The following INSYN2B variants were observed in gnomAD, a reference collection of about 807,000 sequenced individuals.
The protein encoded by INSYN2B is inhibitory synaptic factor family member 2B, also known as protein INSYN2B.
INSYN2B carries 16 observed loss-of-function variants against 41.2 expected under a neutral mutation model. The observed-to-expected ratio is 0.39, with a 90% CI of 0.26 to 0.59. The LOEUF (loss-of-function observed/expected upper bound fraction) is 0.59. Among genes scored for constraint, INSYN2B ranks in the 20% least tolerant of loss-of-function variants. The probability of loss-of-function intolerance (pLI) is 0.57; values close to 1 mark genes in which losing one functional copy is unlikely to be tolerated. For missense variants in INSYN2B, 608 were observed against 646.4 expected (o/e 0.94, Z 0.64); for synonymous variants, 245 against 244.4 (o/e 1.00, Z -0.02).
In INSYN2B at chr5:169,883,784, ATCTCACCT is replaced by A. The variant is rs1456957313; in HGVS notation, c.107_114del (p.Gln36LeufsTer8). The A allele has an allele frequency of 1.9e-6, 3 of 1,551,436 alleles. No homozygotes were observed. The highest frequency in any genetic ancestry group is 2.6e-6 in the Non-Finnish European group (3 of 1,146,936). ...TTCTTAGTGGTCCCATCTTCCTTGA[ATCTCACCT>A]GCTGGGATTTGCTCCTGCGGTGGTG... On this transcript the variant is annotated frameshift_variant, in exon 2 of 4. Transcript: ENST00000377365. LOFTEE classifies it high-confidence loss of function.
chr5:169,894,319 T>C (rs1773466539), intron 1 of INSYN2B, among the ~76,000 whole-genome samples: 1 of 152,166 alleles, frequency 6.6e-6, no homozygotes, highest in Non-Finnish European at 1.5e-5. Flanking sequence ...CAGAAGAAGC[T>C]GGGTGCCTCT....
chr5:169,911,306 A>T (rs1040770403), intron 1 of INSYN2B, among the ~76,000 whole-genome samples: 1 of 152,146 alleles, frequency 6.6e-6, no homozygotes, highest in African/African-American at 2.4e-5. Flanking sequence ...TTCCACACAC[A>T]TACCAATCGT....
At position 169,864,962 on chromosome 5, in the gene INSYN2B, C is replaced by T. The variant is rs1037349680; in HGVS notation, c.1422-503G>A. ...ATGAAATGCTCAGAGTAGTGCCTGG[C>T]GTGCGCTAAGTCCTCCGTATGTGTT... On this transcript the variant is annotated intron_variant, in intron 3 of 3. Coordinates refer to ENST00000377365, the MANE Select transcript of INSYN2B (RefSeq NM_001129891.3). 3.3e-5 allele frequency among the ~76,000 whole-genome samples: 5 copies of T among 152,244 alleles called. 1 individual carries two copies. Among genetic ancestry groups the T allele is most frequent in the African/African-American group, 1.2e-4 (5 of 41,546 alleles).
chr5:169,904,423 G>A (rs934873053), intron 1 of INSYN2B, among the ~76,000 whole-genome samples: 6 of 152,154 alleles, frequency 3.9e-5, no homozygotes, highest in African/African-American at 1.4e-4. Context: ...CTACCAGTGT[G>A]TTCAAACACC....
intron 3 of INSYN2B, among the ~76,000 whole-genome samples, chr5:169,870,668 A>G (rs1256680013): frequency 6.6e-6 from 1 of 152,094 alleles, no homozygotes; most frequent in Non-Finnish European, 1.5e-5. Flanking sequence ...TTTGTTACAC[A>G]TGTAAACATG....
rs1364863060 is a variant in INSYN2B at position 169,863,486 on chromosome 5, G to T, written c.*787C>A. Among the ~76,000 whole-genome samples the T allele has an allele frequency of 6.6e-6, 1 of 152,208 alleles. No individual in the cohort carries two copies. The highest frequency in any genetic ancestry group is 2.4e-5 in the African/African-American group (1 of 41,458). On this transcript the variant is annotated 3_prime_UTR_variant, in exon 4 of 4. Transcript: ENST00000377365. ...CACCAAAAACAGATTCCACCCATTT[G>T]CCAGGTGGTCTCAGGCCCTAGGCAG...
intron 1 of INSYN2B, among the ~76,000 whole-genome samples, chr5:169,946,763 C>A (rs1440406591): frequency 1.3e-5 from 2 of 152,226 alleles, no homozygotes; most frequent in African/African-American, 4.8e-5. Context: ...GAAAGTCACA[C>A]AGTAGGATCC....
chr5:169,898,277 G>A (rs62384856), intron 1 of INSYN2B, among the ~76,000 whole-genome samples: 8 of 152,270 alleles, frequency 5.3e-5, no homozygotes, highest in South Asian at 2.1e-4. Context: ...TGGGGGCTCC[G>A]CTTGGGAAGG....
At chr5:169,951,877 A>G (rs1776680530) in intron 1 of INSYN2B, among the ~76,000 whole-genome samples, 1 of 152,236 alleles carries the variant, frequency 6.6e-6, no homozygotes, top group Non-Finnish European at 1.5e-5. Flanking sequence ...CACACAGCCA[A>G]GAAGCAGACA....
intron 2 of INSYN2B, 66 bp from the exon 3 acceptor site, chr5:169,881,508 C>A: frequency 1.6e-6 from 2 of 1,241,858 alleles, no homozygotes; most frequent in Non-Finnish European, 2.3e-6. Flanking sequence ...AAACATTCAA[C>A]CTACTTGTCC....
chr5:169,942,548 A>C (rs184647581), intron 1 of INSYN2B, among the ~76,000 whole-genome samples: 2 of 152,344 alleles, frequency 1.3e-5, no homozygotes, highest in Admixed American at 6.5e-5. Context: ...TTTACAGAAA[A>C]TTGTAATTTT....
At chr5:169,961,699 C>T (rs775848876) in intron 1 of INSYN2B, among the ~76,000 whole-genome samples, 3 of 151,954 alleles carry the variant, frequency 2.0e-5, no homozygotes, top group Non-Finnish European at 4.4e-5. Flanking sequence ...GAAGCCAGGC[C>T]GGGTGCAGTG....
chr5:169,861,643 A>G lies in INSYN2B; in HGVS notation c.*2630T>C, dbSNP rs1321241890. ...CATGGTAGATGTTACGTAATATTTT[A>G]CAAAGAAGCAGTGATTTTCACATGA... is the stretch of plus-strand genomic sequence containing the variant. On this transcript the variant is annotated 3_prime_UTR_variant, in exon 4 of 4. Coordinates refer to ENST00000377365, the MANE Select transcript of INSYN2B (RefSeq NM_001129891.3). Among the ~76,000 whole-genome samples, 1 of 152,250 alleles carries G rather than the reference A, an allele frequency of 6.6e-6. No homozygotes were observed. Among genetic ancestry groups the G allele is most frequent in the Non-Finnish European group, 1.5e-5 (1 of 68,042 alleles).
intron 1 of INSYN2B, among the ~76,000 whole-genome samples, chr5:169,967,050 G>A (rs1051166691): frequency 6.6e-6 from 1 of 152,222 alleles, no homozygotes; most frequent in Admixed American, 6.5e-5. Context: ...TACCTCCTAT[G>A]TGCCAGGCAC....
intron 1 of INSYN2B, among the ~76,000 whole-genome samples, chr5:169,967,683 AT>A (rs1167647249): frequency 1.3e-5 from 2 of 152,138 alleles, no homozygotes; most frequent in African/African-American, 4.8e-5. Flanking sequence ...AACAGGGAGA[AT>A]TGATTAGAGG....
At chr5:169,885,258 A>G (rs910985505) in intron 1 of INSYN2B, among the ~76,000 whole-genome samples, 1 of 152,220 alleles carries the variant, frequency 6.6e-6, no homozygotes, top group Non-Finnish European at 1.5e-5. Context: ...ACTACCCTGT[A>G]GACTCCGGAG....
intron 1 of INSYN2B, among the ~76,000 whole-genome samples, chr5:169,912,152 A>G (rs957443093): frequency 6.6e-6 from 1 of 152,162 alleles, no homozygotes; most frequent in Non-Finnish European, 1.5e-5. Flanking sequence ...GAAAGCGACT[A>G]TTATTTTTTC....
At chr5:169,977,184 C>T (rs1208521985) in intron 1 of INSYN2B, among the ~76,000 whole-genome samples, 1 of 152,256 alleles carries the variant, frequency 6.6e-6, no homozygotes, top group South Asian at 2.1e-4. Context: ...ACTGTCCCAG[C>T]ATGCTCTGTT....
chr5:169,956,039 G>GAAAAA (rs577395351), intron 1 of INSYN2B, among the ~76,000 whole-genome samples: 35 of 132,906 alleles, frequency 2.6e-4, no homozygotes, highest in Middle Eastern at 3.9e-3. Flanking sequence ...ACATAGATTT[G>GAAAAA]AAAAAAAAAA....
Sources: gnomAD v4.1 joint callset for allele counts (sites outside exome capture counted in the v4.1 genomes callset) on GRCh38, gnomAD v4.1.1 for gene constraint, MANE v1.5 for transcripts, NCBI Gene and HGNC (gene_info 2026-07-23, HGNC 2026-07-21) for gene names.